ADAMTS17: variants seen among roughly 807,000 people sequenced by gnomAD.
The protein encoded by ADAMTS17 is ADAM metallopeptidase with thrombospondin type 1 motif 17.
A neutral mutation model predicts 141.5 loss-of-function variants in ADAMTS17; 113 were observed. That is an observed-to-expected ratio of 0.80 (90% confidence interval 0.69 to 0.93). The LOEUF is 0.93. Among genes scored for constraint, ADAMTS17 ranks in the 40% least tolerant of loss-of-function variants. The pLI, the probability that ADAMTS17 is intolerant of heterozygous loss-of-function variation, is 0.00. For missense variants in ADAMTS17, 1,659 were observed against 1,517.9 expected (o/e 1.09, Z -1.54); for synonymous variants, 768 against 630.6 (o/e 1.22, Z -3.27).
Position 100,341,269 on chromosome 15 carries a change from C to T in ADAMTS17, c.220G>A (p.Ala74Thr). The part of the protein sequence containing the change: ...RPRTPPAAPR[A>T]RPGERALLLH... The stretch of plus-strand genomic sequence containing the variant: ...AGCAGGGCGCGCTCTCCGGGCCGGG[C>T]GCGCGGGGCGGCTGGGGGCGTGCGG... Residue 74 changes from alanine (A) to threonine (T), a missense_variant, in exon 2 of 22, where the codon GCC (alanine) becomes ACC (threonine). Transcript: ENST00000268070. 2 of 1,260,764 alleles carry T rather than the reference C, an allele frequency of 1.6e-6. No individual in the cohort carries two copies. The highest frequency in any genetic ancestry group is 2.0e-6 in the Non-Finnish European group (2 of 1,001,742). The allele number at this position is 1,260,764 out of a possible 1,614,324, so 78.1% of individuals were successfully genotyped here.
intron 5 of ADAMTS17, among the ~76,000 whole-genome samples, chr15:100,261,944 C>T (rs2043534337): frequency 1.3e-5 from 2 of 152,162 alleles, no homozygotes; most frequent in Non-Finnish European, 2.9e-5. Flanking sequence ...TGGCTTGACC[C>T]GGCAGGTAAC....
At chr15:100,018,820 T>C (rs2573680) in intron 18 of ADAMTS17, among the ~76,000 whole-genome samples, 117,129 of 152,156 alleles carry the variant, frequency 0.77, 45,814 homozygotes, top group African/African-American at 0.89. Context: ...CTTTCACATC[T>C]ATCAGACTGA....
chr15:100,322,726 G>C (rs995013152), intron 3 of ADAMTS17, among the ~76,000 whole-genome samples: 5 of 152,168 alleles, frequency 3.3e-5, no homozygotes, highest in African/African-American at 1.2e-4. Flanking sequence ...GGAAATTGCA[G>C]CAGAAATACT....
intron 14 of ADAMTS17, among the ~76,000 whole-genome samples, chr15:100,102,173 CTGTTTGTTTTTCT>C (rs1290627698): frequency 6.6e-6 from 1 of 152,198 alleles, no homozygotes; most frequent in Non-Finnish European, 1.5e-5. Context: ...TCAGTTTTTT[CTGTTTGTTTTTCT>C]TGGTCTTTCT....
intron 18 of ADAMTS17, among the ~76,000 whole-genome samples, chr15:100,024,103 G>A (rs1269808674): frequency 6.6e-6 from 1 of 151,594 alleles, no homozygotes; most frequent in Admixed American, 6.6e-5. Context: ...TTTTTTTGTT[G>A]TTGTTGTTGA....
At chr15:100,013,312 C>T (rs971285021) in intron 18 of ADAMTS17, among the ~76,000 whole-genome samples, 3 of 152,110 alleles carry the variant, frequency 2.0e-5, no homozygotes, top group African/African-American at 4.8e-5. Context: ...TCTAGGTAAA[C>T]GACCATACTG....
chr15:100,182,273 C>G (rs185394617), intron 8 of ADAMTS17, among the ~76,000 whole-genome samples: 15 of 152,250 alleles, frequency 9.9e-5, no homozygotes, highest in Non-Finnish European at 1.6e-4. Flanking sequence ...CGAAGGCGGA[C>G]GAGCCCCTTA....
At chr15:100,244,338 A>G (rs2042922031) in intron 7 of ADAMTS17, among the ~76,000 whole-genome samples, 1 of 140,058 alleles carries the variant, frequency 7.1e-6, no homozygotes, top group Non-Finnish European at 1.5e-5. Context: ...ACAGTGGTGG[A>G]CAAGCAAGAT....
At chr15:100,147,743 T>C (rs1042047925) in intron 10 of ADAMTS17, among the ~76,000 whole-genome samples, 1 of 152,220 alleles carries the variant, frequency 6.6e-6, no homozygotes, top group Non-Finnish European at 1.5e-5. Flanking sequence ...TTTACTTTTA[T>C]GTATGTGAAA....
At chr15:100,190,634 GTACT>G (rs975379900) in intron 8 of ADAMTS17, among the ~76,000 whole-genome samples, 7 of 152,238 alleles carry the variant, frequency 4.6e-5, no homozygotes, top group African/African-American at 1.4e-4. Flanking sequence ...GAGAAGTCAG[GTACT>G]TGGTTTCAAG....
At chr15:100,230,790 A>AAC (rs201975316) in intron 7 of ADAMTS17, among the ~76,000 whole-genome samples, 4 of 116,120 alleles carry the variant, frequency 3.4e-5, no homozygotes, top group Middle Eastern at 4.0e-3. Context: ...AATGAATTTA[A>AAC]ACACACACAC....
intron 20 of ADAMTS17, chr15:99,978,961 T>C (rs569369641): frequency 6.8e-4 from 103 of 152,350 alleles, no homozygotes; most frequent in African/African-American, 2.3e-3. Flanking sequence ...TTCTTCCTGT[T>C]AAGGAGTAGT....
chr15:100,238,966 C>T (rs1044639140), intron 7 of ADAMTS17, among the ~76,000 whole-genome samples: 5 of 152,194 alleles, frequency 3.3e-5, no homozygotes, highest in African/African-American at 1.2e-4. Flanking sequence ...TGGCGTGTGC[C>T]TGTAACCCCA....
intron 6 of ADAMTS17, among the ~76,000 whole-genome samples, 161 bp downstream of exon 6, chr15:100,261,318 C>G (rs75159551): frequency 0.011 from 1,706 of 152,332 alleles, 23 homozygotes; most frequent in East Asian, 0.042. Flanking sequence ...GAGGTGGATA[C>G]CACCGTTAAC....
chr15:100,154,184 A>T (rs2039322852), intron 9 of ADAMTS17, among the ~76,000 whole-genome samples: 1 of 152,148 alleles, frequency 6.6e-6, no homozygotes, highest in Admixed American at 6.5e-5. Flanking sequence ...CCATCTCAAG[A>T]AACAAACAAA....
intron 10 of ADAMTS17, among the ~76,000 whole-genome samples, chr15:100,147,284 G>A (rs34718344): frequency 0.18 from 26,801 of 152,102 alleles, 2,420 homozygotes; most frequent in Middle Eastern, 0.24. Context: ...AAGAACCTAC[G>A]TGACTATCAG....
At chr15:100,101,668 T>C (rs1441512788) in intron 14 of ADAMTS17, among the ~76,000 whole-genome samples, 2 of 152,218 alleles carry the variant, frequency 1.3e-5, no homozygotes, top group Non-Finnish European at 2.9e-5. Flanking sequence ...ATTAAGCACA[T>C]GTGTGTTCAG....
intron 18 of ADAMTS17, among the ~76,000 whole-genome samples, chr15:100,000,510 C>T (rs2060898455): frequency 6.6e-6 from 1 of 152,064 alleles, no homozygotes; most frequent in Admixed American, 6.6e-5. Flanking sequence ...TAAAAAACAG[C>T]CACTATCTTC....
intron 4 of ADAMTS17, among the ~76,000 whole-genome samples, chr15:100,266,482 TA>T (rs1476238321): frequency 1.3e-5 from 2 of 152,164 alleles, no homozygotes; most frequent in Non-Finnish European, 2.9e-5. Context: ...AAGCATATTT[TA>T]AAACACTAAC....
Sources: gnomAD v4.1 joint callset for allele counts (sites outside exome capture counted in the v4.1 genomes callset) on GRCh38, gnomAD v4.1.1 for gene constraint, MANE v1.5 for transcripts, NCBI Gene and HGNC (gene_info 2026-07-23, HGNC 2026-07-21) for gene names.